The following RFX3 variants were observed in gnomAD, a reference collection of about 807,000 sequenced individuals.
RFX3 encodes regulatory factor X3.
RFX3 carries 14 observed loss-of-function variants against 98.6 expected under a neutral mutation model. The ratio of observed to expected loss-of-function variants is 0.14; its 90% CI spans 0.09 to 0.22. The LOEUF is 0.22. Among genes scored for constraint, RFX3 ranks in the 10% least tolerant of loss-of-function variants. RFX3 has a pLI of 1.00. For synonymous variants in RFX3, 383 were observed against 328.4 expected (o/e 1.17, Z -1.80); for missense variants, 639 against 926.9 (o/e 0.69, Z 4.03).
chr9:3,240,077 G>A (rs1314395874), intron 15 of RFX3, among the ~76,000 whole-genome samples: 1 of 152,216 alleles, frequency 6.6e-6, no homozygotes, highest in Non-Finnish European at 1.5e-5. Flanking sequence ...TGATGAAGCA[G>A]TCTAGGGCCA....
At chr9:3,469,853 A>G (rs1053760811) in intron 1 of RFX3, among the ~76,000 whole-genome samples, 1 of 152,012 alleles carries the variant, frequency 6.6e-6, no homozygotes, top group Non-Finnish European at 1.5e-5. Context: ...CTCAAAAAAA[A>G]AAAAAAAAAT....
chr9:3,278,348 G>C (rs1339667936), intron 7 of RFX3, among the ~76,000 whole-genome samples: 1 of 151,372 alleles, frequency 6.6e-6, no homozygotes, highest in African/African-American at 2.4e-5. Flanking sequence ...TTATAAATTT[G>C]GAAACAACAG....
chr9:3,241,267 A>G (rs1819887980), intron 15 of RFX3, among the ~76,000 whole-genome samples: 1 of 150,642 alleles, frequency 6.6e-6, no homozygotes, highest in African/African-American at 2.4e-5. Context: ...TAATGTATCA[A>G]TCATGAAATC....
At chr9:3,260,687 T>C (rs1822759704) in intron 13 of RFX3, among the ~76,000 whole-genome samples, 1 of 151,652 alleles carries the variant, frequency 6.6e-6, no homozygotes. Context: ...TAACTTTTAA[T>C]ACTCTTGCTT....
In RFX3 at chr9:3,455,816, A is replaced by G. The variant is rs955700277; in HGVS notation, c.-8-60220T>C. 2.6e-5 allele frequency among the ~76,000 whole-genome samples: 4 copies of G among 152,362 alleles called. No homozygotes were observed. The East Asian group carries it at 5.8e-4, about 22-fold the overall frequency. On this transcript the variant is annotated intron_variant, in intron 1 of 16. Coordinates refer to ENST00000617270, the MANE Select transcript of RFX3 (RefSeq NM_001282116.2). Reference sequence around the variant, plus strand: ...TAAAACCTGGAAACCATAAATGAATACAATGGTATCTTCTCATCAGTACAG... The same window carrying G: ...TAAAACCTGGAAACCATAAATGAATGCAATGGTATCTTCTCATCAGTACAG...
intron 4 of RFX3, among the ~76,000 whole-genome samples, chr9:3,303,215 A>C (rs1210669182): frequency 1.3e-5 from 2 of 151,946 alleles, no homozygotes; most frequent in South Asian, 2.1e-4. Context: ...GATATATTAC[A>C]GAAAGAGTAA....
In RFX3 at chr9:3,291,917, C is replaced by T. The variant is rs140231237; in HGVS notation, c.731+1160G>A. Reference sequence around the variant, plus strand: ...ACTAAAAATACAATAATTAGCTGGACGTGGTGGCACACACCTGTAGTCTCA... The same window carrying T: ...ACTAAAAATACAATAATTAGCTGGATGTGGTGGCACACACCTGTAGTCTCA... On this transcript the variant is annotated intron_variant, in intron 6 of 16. Coordinates refer to ENST00000617270, the MANE Select transcript of RFX3 (RefSeq NM_001282116.2). Among the ~76,000 whole-genome samples, 423 of 151,744 alleles carry T rather than the reference C, an allele frequency of 2.8e-3. 3 individuals are homozygous for T. The highest frequency in any genetic ancestry group is 9.4e-3 in the African/African-American group (388 of 41,376).
At position 3,397,358 on chromosome 9, in the gene RFX3, TTAAATC is replaced by T. The variant is rs1447478399; in HGVS notation, c.-8-1768_-8-1763del. Among the ~76,000 whole-genome samples, 4 of 152,226 alleles carry T rather than the reference TTAAATC, an allele frequency of 2.6e-5. No homozygotes were observed. The East Asian group carries it at 7.7e-4, about 29-fold the overall frequency. ...CATAAGAAAAGCACTGCATCATAGTTTAAATCTATATGAAATACAGTGAACATTAAT... is the reference window on the plus strand; with the variant it reads ...CATAAGAAAAGCACTGCATCATAGTTTATATGAAATACAGTGAACATTAAT... On this transcript the variant is annotated intron_variant, in intron 1 of 16. Transcript: ENST00000617270.
At chr9:3,377,648 G>A (rs867545156) in intron 2 of RFX3, among the ~76,000 whole-genome samples, 2 of 152,166 alleles carry the variant, frequency 1.3e-5, no homozygotes, top group Middle Eastern at 6.8e-3. Flanking sequence ...TAAAAGTCGT[G>A]GAAAATATAA....
Position 3,279,702 on chromosome 9 carries a change from A to G in RFX3, c.852-2241T>C, listed in dbSNP as rs145913132. On this transcript the variant is annotated intron_variant, in intron 7 of 16. Transcript: ENST00000617270. ...ACTGCGCACAATGCTTAGGAATACTATAGCCTACAAGCAAAATTGTCTGCT... is the reference window on the plus strand; with the variant it reads ...ACTGCGCACAATGCTTAGGAATACTGTAGCCTACAAGCAAAATTGTCTGCT... 4.6e-5 allele frequency among the ~76,000 whole-genome samples: 7 copies of G among 152,010 alleles called. No homozygotes were observed. In the East Asian group the frequency reaches 1.4e-3, roughly 29 times the overall value.
At chr9:3,236,716 T>C (rs1230542118) in intron 15 of RFX3, among the ~76,000 whole-genome samples, 1 of 152,184 alleles carries the variant, frequency 6.6e-6, no homozygotes, top group East Asian at 1.9e-4. Context: ...GCATTCCTGC[T>C]GACCTGGGAA....
At chr9:3,310,376 G>C (rs113171554) in intron 4 of RFX3, among the ~76,000 whole-genome samples, 1 of 152,052 alleles carries the variant, frequency 6.6e-6, no homozygotes, top group East Asian at 1.9e-4. Context: ...GGAAGAAAAA[G>C]AACAATTATA....
chr9:3,295,636 G>A (rs1827896701), intron 5 of RFX3, among the ~76,000 whole-genome samples: 1 of 152,096 alleles, frequency 6.6e-6, no homozygotes. Flanking sequence ...ATATGTGTAA[G>A]TTAAAAATGC....
chr9:3,256,853 G>T lies in RFX3; in HGVS notation c.1814+138C>A, dbSNP rs975150546. ...TTGTAATCACTGAGTTGGGTTGAAG[G>T]TAGTTGTAACAGGGAGTTTCCACAA... is the stretch of plus-strand genomic sequence containing the variant. On this transcript the variant is annotated intron_variant, in intron 14 of 16. Transcript: ENST00000617270. 3 of 741,338 alleles carry T rather than the reference G, an allele frequency of 4.0e-6. No individual in the cohort carries two copies. In the African/African-American group the frequency reaches 5.2e-5, roughly 13 times the overall value. 45.9% of individuals were successfully genotyped at this position (741,338 alleles called of 1,614,324 possible).
chr9:3,504,879 T>TTATA (rs1199453937), intron 1 of RFX3, among the ~76,000 whole-genome samples: 1 of 53,184 alleles, frequency 1.9e-5, no homozygotes, highest in Admixed American at 3.5e-4. Flanking sequence ...ATTATATATA[T>TTATA]TATATATAAT....
At chr9:3,367,787 A>G (rs1230841373) in intron 2 of RFX3, among the ~76,000 whole-genome samples, 1 of 152,208 alleles carries the variant, frequency 6.6e-6, no homozygotes, top group Non-Finnish European at 1.5e-5. Context: ...GGTGAAATAC[A>G]AGGATAATTC....
Position 3,411,387 on chromosome 9 carries a change from G to T in RFX3, c.-8-15791C>A, listed in dbSNP as rs567356712. Among the ~76,000 whole-genome samples the T allele has an allele frequency of 3.3e-5, 5 of 151,982 alleles. No individual in the cohort carries two copies. In the East Asian group the frequency reaches 9.7e-4, roughly 29 times the overall value. On this transcript the variant is annotated intron_variant, in intron 1 of 16. Transcript: ENST00000617270. The stretch of plus-strand genomic sequence containing the variant: ...ATTTATTTATTTATTTTTTGAGACA[G>T]GGTCTCATTCTGTTGCCAAGGCTGA...
At chr9:3,493,700 A>AATATATAT (rs1288255611) in intron 1 of RFX3, among the ~76,000 whole-genome samples, 6 of 71,778 alleles carry the variant, frequency 8.4e-5, no homozygotes, top group Non-Finnish European at 1.0e-4. Flanking sequence ...AAAAAAAAAA[A>AATATATAT]ATATATATAT....
At chr9:3,334,768 C>T (rs1832970951) in intron 3 of RFX3, among the ~76,000 whole-genome samples, 1 of 152,064 alleles carries the variant, frequency 6.6e-6, no homozygotes, top group Non-Finnish European at 1.5e-5. Flanking sequence ...AATACACTTG[C>T]AGTTGGAAAT....
Sources: gnomAD v4.1 joint callset for allele counts (sites outside exome capture counted in the v4.1 genomes callset) on GRCh38, gnomAD v4.1.1 for gene constraint, MANE v1.5 for transcripts, NCBI Gene and HGNC (gene_info 2026-07-23, HGNC 2026-07-21) for gene names.